The following MKLN1 variants were observed in gnomAD, a reference collection of about 807,000 sequenced individuals.
The protein encoded by MKLN1 is muskelin 1.
MKLN1 carries 18 observed loss-of-function variants against 99.0 expected under a neutral mutation model. That is an observed-to-expected ratio of 0.18 (90% confidence interval 0.13 to 0.27). The LOEUF is 0.27. MKLN1 is among the 10% of genes least tolerant of loss of function. MKLN1 has a pLI of 1.00. For missense variants in MKLN1, 621 were observed against 875.9 expected, an observed-to-expected ratio of 0.71 and a Z score of 3.67; for synonymous variants, 288 against 293.2, an observed-to-expected ratio of 0.98 and a Z score of 0.18.
intron 1 of MKLN1, among the ~76,000 whole-genome samples, chr7:131,134,954 T>C (rs1411560098): frequency 6.6e-6 from 1 of 152,238 alleles, no homozygotes; most frequent in Non-Finnish European, 1.5e-5. Flanking sequence ...TACCTTAGCA[T>C]TGATTTCTAG....
chr7:131,130,741 G>C (rs1795537178), intron 1 of MKLN1, among the ~76,000 whole-genome samples: 1 of 152,110 alleles, frequency 6.6e-6, no homozygotes. Context: ...ATTATTAGTA[G>C]ATAAAATGAT....
intron 1 of MKLN1, among the ~76,000 whole-genome samples, chr7:131,341,437 A>G (rs1034978709): frequency 6.6e-6 from 1 of 152,226 alleles, no homozygotes; most frequent in Non-Finnish European, 1.5e-5. Context: ...ATGGAATCAT[A>G]TAATTTATGG....
chr7:131,437,041 T>A (rs1052864910), intron 9 of MKLN1, among the ~76,000 whole-genome samples: 1 of 151,794 alleles, frequency 6.6e-6, no homozygotes, highest in Non-Finnish European at 1.5e-5. Context: ...TTCTCCTCTT[T>A]AAAAGGAGAA....
chr7:131,367,183 C>T (rs1247776581), intron 1 of MKLN1, among the ~76,000 whole-genome samples: 1 of 152,032 alleles, frequency 6.6e-6, no homozygotes, highest in South Asian at 2.1e-4. Flanking sequence ...AAATGTTATT[C>T]ATTTTTATTG....
At chr7:131,486,882 C>T (rs913117115) in intron 17 of MKLN1, among the ~76,000 whole-genome samples, 2 of 151,944 alleles carry the variant, frequency 1.3e-5, no homozygotes, top group Non-Finnish European at 2.9e-5. Flanking sequence ...ATTAACAGTC[C>T]CTACCTTTTA....
At chr7:131,417,408 T>C (rs1351812046) in intron 8 of MKLN1, among the ~76,000 whole-genome samples, 1 of 152,228 alleles carries the variant, frequency 6.6e-6, no homozygotes, top group East Asian at 1.9e-4. Flanking sequence ...GGCCCATGGT[T>C]GATGACAAAA....
intron 12 of MKLN1, among the ~76,000 whole-genome samples, chr7:131,459,441 C>T (rs1005335803): frequency 1.3e-5 from 2 of 152,188 alleles, no homozygotes; most frequent in African/African-American, 4.8e-5. Flanking sequence ...GATTTGATGA[C>T]TCACTTCTAG....
intron 1 of MKLN1, among the ~76,000 whole-genome samples, chr7:131,126,678 C>G (rs1795466536): frequency 6.6e-6 from 1 of 152,194 alleles, no homozygotes; most frequent in Admixed American, 6.5e-5. Flanking sequence ...CTCAGCCTCC[C>G]AAGTAGCTGG....
chr7:131,228,206 G>A, intron 3 of MKLN1, among the ~76,000 whole-genome samples: 1 of 152,172 alleles, frequency 6.6e-6, no homozygotes, highest in East Asian at 1.9e-4. Context: ...TGGGACTACA[G>A]GTGTGCACCA....
chr7:131,197,782 A>G (rs541487571), intron 2 of MKLN1, among the ~76,000 whole-genome samples: 1 of 152,282 alleles, frequency 6.6e-6, no homozygotes, highest in Admixed American at 6.5e-5. Flanking sequence ...CAATGCCAAA[A>G]AAGAAAAAAA....
At chr7:131,134,444 G>A (rs1318454049) in intron 1 of MKLN1, among the ~76,000 whole-genome samples, 4 of 151,890 alleles carry the variant, frequency 2.6e-5, no homozygotes, top group Non-Finnish European at 2.9e-5. Flanking sequence ...TGATGGGCCC[G>A]GACTCCTGAA....
At position 131,437,970 on chromosome 7, in the gene MKLN1, A is replaced by G. The variant is rs1795723193; in HGVS notation, c.1146A>G (p.Gly382=). The change falls in exon 10 of 18, where the codon GGA becomes GGG. Residue 382 remains glycine, a synonymous_variant. Coordinates refer to ENST00000352689, the MANE Select transcript of MKLN1 (RefSeq NM_013255.5). ...MLLSEDTAAD[G]GPKLVFDHQM... ...TAAGTGAGGATACTGCTGCTGATGG[A>G]GGGCCGAAATTGGTGTTTGATCATC... The G allele has an allele frequency of 6.2e-7, 1 of 1,613,672 alleles. No homozygotes were observed. The highest frequency in any genetic ancestry group is 1.3e-5 in the African/African-American group (1 of 74,888).
At chr7:131,400,232 A>G (rs1324174555) in intron 6 of MKLN1, among the ~76,000 whole-genome samples, 2 of 151,946 alleles carry the variant, frequency 1.3e-5, no homozygotes, top group Admixed American at 6.6e-5. Flanking sequence ...ATCGTCTATT[A>G]TTAGGTATTC....
chr7:131,448,951 G>A (rs187906011), intron 12 of MKLN1, among the ~76,000 whole-genome samples: 33 of 152,288 alleles, frequency 2.2e-4, no homozygotes, highest in African/African-American at 7.5e-4. Context: ...ATTCATCTAT[G>A]GACCTGGAGG....
chr7:131,420,812 A>G (rs906764619), intron 8 of MKLN1, among the ~76,000 whole-genome samples: 1 of 152,220 alleles, frequency 6.6e-6, no homozygotes, highest in Non-Finnish European at 1.5e-5. Context: ...TATAGAGGCT[A>G]GAATGGAGTA....
At chr7:131,395,321 C>A (rs1794324709) in intron 4 of MKLN1, among the ~76,000 whole-genome samples, 1 of 151,848 alleles carries the variant, frequency 6.6e-6, no homozygotes, top group South Asian at 2.1e-4. Flanking sequence ...TTGAGATAAC[C>A]ATTGTGGTTT....
chr7:131,116,031 C>T (rs1434595204), intron 1 of MKLN1, among the ~76,000 whole-genome samples: 1 of 152,156 alleles, frequency 6.6e-6, no homozygotes, highest in Non-Finnish European at 1.5e-5. Context: ...TAGGGCCGGG[C>T]ACGGTGGCTC....
At chr7:131,124,478 T>TA (rs1269911382) in intron 1 of MKLN1, among the ~76,000 whole-genome samples, 1 of 152,172 alleles carries the variant, frequency 6.6e-6, no homozygotes, top group Non-Finnish European at 1.5e-5. Context: ...GAGCCCTACT[T>TA]ATGGGTCCAA....
At chr7:131,206,822 C>T (rs940557083) in intron 3 of MKLN1, among the ~76,000 whole-genome samples, 10 of 152,034 alleles carry the variant, frequency 6.6e-5, no homozygotes, top group African/African-American at 1.7e-4. Context: ...TCCCAAAGTG[C>T]TGGGATTATG....
Sources: gnomAD v4.1 joint callset for allele counts (sites outside exome capture counted in the v4.1 genomes callset) on GRCh38, gnomAD v4.1.1 for gene constraint, MANE v1.5 for transcripts, NCBI Gene and HGNC (gene_info 2026-07-23, HGNC 2026-07-21) for gene names.